PHACTR3: variants seen among roughly 807,000 people sequenced by gnomAD.
PHACTR3 encodes the protein protein phosphatase 1, regulatory subunit 123.
PHACTR3 carries 16 observed loss-of-function variants against 66.8 expected under a neutral mutation model. The observed-to-expected ratio is 0.24, with a 90% CI of 0.16 to 0.36. The LOEUF (loss-of-function observed/expected upper bound fraction) is 0.36, where lower values mean the gene tolerates loss of function less well. PHACTR3 is among the 10% of genes least tolerant of loss of function. The pLI is 1.00. For missense variants in PHACTR3, 647 were observed against 719.9 expected, an observed-to-expected ratio of 0.90 and a Z score of 1.16; for synonymous variants, 323 against 292.1, an observed-to-expected ratio of 1.11 and a Z score of -1.08.
At chr20:59,753,847 GAC>G (rs2039686878) in intron 3 of PHACTR3, among the ~76,000 whole-genome samples, 1 of 152,200 alleles carries the variant, frequency 6.6e-6, no homozygotes, top group Middle Eastern at 3.2e-3. Flanking sequence ...ACTGTTGAAG[GAC>G]ACAGGGATGG....
At chr20:59,759,969 G>A (rs1053567462) in intron 4 of PHACTR3, among the ~76,000 whole-genome samples, 2 of 152,200 alleles carry the variant, frequency 1.3e-5, no homozygotes, top group Non-Finnish European at 2.9e-5. Context: ...GTCTACACCT[G>A]CAGGAGCCCC....
At chr20:59,578,412 G>A (rs1190405385) in intron 1 of PHACTR3, among the ~76,000 whole-genome samples, 3 of 152,188 alleles carry the variant, frequency 2.0e-5, no homozygotes, top group African/African-American at 7.2e-5. Context: ...GATACCGGGG[G>A]CACTTATTAC....
intron 1 of PHACTR3, among the ~76,000 whole-genome samples, chr20:59,587,614 G>T (rs1006686450): frequency 6.6e-6 from 1 of 152,350 alleles, no homozygotes; most frequent in East Asian, 1.9e-4. Flanking sequence ...TCTCAGCAGC[G>T]CTGTGCTGTT....
intron 1 of PHACTR3, among the ~76,000 whole-genome samples, chr20:59,711,015 T>G (rs1163791038): frequency 6.6e-6 from 1 of 152,176 alleles, no homozygotes; most frequent in Non-Finnish European, 1.5e-5. Context: ...CCTACAAATA[T>G]TTGCATATTT....
intron 5 of PHACTR3, among the ~76,000 whole-genome samples, chr20:59,770,945 G>A (rs990368247): frequency 6.6e-6 from 1 of 152,214 alleles, no homozygotes; most frequent in Non-Finnish European, 1.5e-5. Flanking sequence ...GCTGTTCTCA[G>A]CCCCCACCTT....
intron 1 of PHACTR3, among the ~76,000 whole-genome samples, chr20:59,696,678 C>G (rs1890966725): frequency 6.6e-6 from 1 of 152,188 alleles, no homozygotes; most frequent in African/African-American, 2.4e-5. Flanking sequence ...TGCCCTGGCT[C>G]TGTCCACACC....
intron 4 of PHACTR3, among the ~76,000 whole-genome samples, chr20:59,757,022 A>T (rs915156383): frequency 4.6e-5 from 7 of 152,204 alleles, no homozygotes; most frequent in Admixed American, 2.6e-4. Context: ...TAAGAAAAAA[A>T]CCCCACCACA....
intron 1 of PHACTR3, among the ~76,000 whole-genome samples, chr20:59,719,724 C>A (rs958164677): frequency 6.6e-6 from 1 of 152,148 alleles, no homozygotes; most frequent in Non-Finnish European, 1.5e-5. Context: ...GGAATTAGTT[C>A]GGCTTCCCAA....
Position 59,767,374 on chromosome 20 carries a change from A to G in PHACTR3, c.730A>G (p.Lys244Glu), listed in dbSNP as rs368901053. 3 of 1,613,754 alleles carry G rather than the reference A, an allele frequency of 1.9e-6. No homozygotes were observed. Among genetic ancestry groups the G allele is most frequent in the Non-Finnish European group, 2.5e-6 (3 of 1,180,028 alleles). The change falls in exon 5 of 13, where the codon AAA (lysine) becomes GAA (glutamate). Residue 244 changes from lysine (K) to glutamate (E), a missense_variant. By Grantham distance (56) the Lys-to-Glu change is moderately conservative. Transcript: ENST00000371015. The stretch of plus-strand genomic sequence containing the variant: ...CACTCCGCCACCCAAGGCAAGCTCC[A>G]AAACCACAAAAAATGTCACAGGTGG... ...LPTPPPKASSKTTKNVTGQAT... is the reference protein window; with the variant it reads ...LPTPPPKASSETTKNVTGQAT...
At chr20:59,629,409 G>A (rs114565336) in intron 1 of PHACTR3, among the ~76,000 whole-genome samples, 2,208 of 152,360 alleles carry the variant, frequency 0.014, 52 homozygotes, top group African/African-American at 0.051. Flanking sequence ...TCCTGTGGCT[G>A]CCCTAGCATG....
chr20:59,773,224 C>T, intron 5 of PHACTR3, 55 bp from the exon 6 acceptor site: 1 of 1,566,384 alleles, frequency 6.4e-7, no homozygotes, highest in Non-Finnish European at 8.7e-7. Context: ...TCAGCAAAAC[C>T]CTTGGTCCCA....
intron 8 of PHACTR3, among the ~76,000 whole-genome samples, chr20:59,827,090 C>T (rs980576115): frequency 6.6e-6 from 1 of 152,052 alleles, no homozygotes; most frequent in African/African-American, 2.4e-5. Context: ...CCTGGATGTC[C>T]CTTGGTGTCC....
intron 1 of PHACTR3, among the ~76,000 whole-genome samples, chr20:59,584,641 G>C (rs551562757): frequency 1.3e-5 from 2 of 152,148 alleles, no homozygotes. Flanking sequence ...GCTCTGACCA[G>C]AGGCTTAGGA....
At chr20:59,712,029 A>G (rs555359100) in intron 1 of PHACTR3, among the ~76,000 whole-genome samples, 4 of 152,070 alleles carry the variant, frequency 2.6e-5, no homozygotes, top group Non-Finnish European at 4.4e-5. Flanking sequence ...TCATTATTTT[A>G]CTTTTTTATA....
chr20:59,792,538 C>T (rs1431232907), intron 7 of PHACTR3, among the ~76,000 whole-genome samples: 1 of 152,198 alleles, frequency 6.6e-6, no homozygotes, highest in African/African-American at 2.4e-5. Flanking sequence ...TCCAGTTGGC[C>T]AAGGGCTGGG....
intron 1 of PHACTR3, among the ~76,000 whole-genome samples, chr20:59,639,676 C>G (rs2035031329): frequency 6.6e-6 from 1 of 152,176 alleles, no homozygotes. Flanking sequence ...TCTCTCTGAG[C>G]TTCAGTTCCC....
intron 1 of PHACTR3, among the ~76,000 whole-genome samples, chr20:59,630,874 C>T (rs1189400237): frequency 2.0e-5 from 3 of 151,708 alleles, no homozygotes; most frequent in African/African-American, 4.8e-5. Context: ...CTAGGATTCT[C>T]GGTGTTCTAG....
At chr20:59,793,629 G>A (rs1226760492) in intron 7 of PHACTR3, among the ~76,000 whole-genome samples, 1 of 152,028 alleles carries the variant, frequency 6.6e-6, no homozygotes, top group Non-Finnish European at 1.5e-5. Context: ...GTTGATTTTT[G>A]TATCCTGCAA....
intron 1 of PHACTR3, among the ~76,000 whole-genome samples, chr20:59,703,519 G>C (rs1233575213): frequency 1.3e-5 from 2 of 152,176 alleles, no homozygotes; most frequent in Admixed American, 6.5e-5. Flanking sequence ...GGGAAGGTTT[G>C]TAAGGTTTGT....
Sources: allele counts gnomAD v4.1 joint callset (sites outside exome capture counted in the v4.1 genomes callset), GRCh38; gene constraint gnomAD v4.1.1; transcripts MANE v1.5; gene names NCBI Gene and HGNC (gene_info 2026-07-23, HGNC 2026-07-21).